LDB2: variants seen among roughly 807,000 people sequenced by gnomAD.
LDB2 encodes LIM domain binding 2, also known as LIM domain-binding protein 2.
Under a neutral mutation model 44.3 loss-of-function variants are expected in LDB2, and 12 were observed. That is an observed-to-expected ratio of 0.27 (90% CI 0.17 to 0.44). LDB2 has a LOEUF of 0.44. Among genes scored for constraint, LDB2 ranks in the 20% least tolerant of loss-of-function variants. The pLI, the probability that LDB2 is intolerant of heterozygous loss-of-function variation, is 1.00. For missense variants in LDB2, 344 were observed against 473.5 expected (o/e 0.73, Z 2.54); for synonymous variants, 164 against 174.8 (o/e 0.94, Z 0.49).
At chr4:16,826,906 C>T (rs905514885) in intron 1 of LDB2, among the ~76,000 whole-genome samples, 2 of 152,096 alleles carry the variant, frequency 1.3e-5, no homozygotes, top group African/African-American at 2.4e-5. Context: ...ATTTGAACTG[C>T]AACAACTCGG....
chr4:16,615,901 T>A (rs769307437), intron 2 of LDB2, among the ~76,000 whole-genome samples: 4 of 152,122 alleles, frequency 2.6e-5, no homozygotes, highest in Non-Finnish European at 4.4e-5. Context: ...TGCTCTGCCT[T>A]ATGGTAGCTG....
chr4:16,755,528 TGAGAGAGA>T (rs112037999), intron 2 of LDB2, among the ~76,000 whole-genome samples: 1 of 134,970 alleles, frequency 7.4e-6, no homozygotes, highest in Admixed American at 7.2e-5. Flanking sequence ...TGTGTGTATG[TGAGAGAGA>T]GAGAGACAGA....
At chr4:16,724,868 T>A (rs1759081792) in intron 2 of LDB2, among the ~76,000 whole-genome samples, 1 of 152,180 alleles carries the variant, frequency 6.6e-6, no homozygotes, top group Non-Finnish European at 1.5e-5. Context: ...CCAGTGCACA[T>A]ACACATTATT....
At position 16,759,120 on chromosome 4, in the gene LDB2, A is replaced by G. The variant is rs202146610; in HGVS notation, c.235+38T>C. 417 of 1,453,638 alleles carry G rather than the reference A, an allele frequency of 2.9e-4. 1 individual carries two copies. Among genetic ancestry groups the G allele is most frequent in the Middle Eastern group, 5.2e-4 (3 of 5,740 alleles). 90.0% of individuals were successfully genotyped at this position (1,453,638 alleles called of 1,614,324 possible). A position where few individuals can be genotyped will look rare whatever the true frequency, so the allele number is the denominator to read the frequency against. On this transcript the variant is annotated intron_variant, in intron 2 of 7. Coordinates refer to ENST00000304523, the MANE Select transcript of LDB2 (RefSeq NM_001290.5). ...CCCCTGCGGTTTTCTTACAGGCACAAAACGAGGTAATATTAGAAAAATAAA... is the reference window on the plus strand; with the variant it reads ...CCCCTGCGGTTTTCTTACAGGCACAGAACGAGGTAATATTAGAAAAATAAA...
chr4:16,693,969 C>T (rs992366822), intron 2 of LDB2, among the ~76,000 whole-genome samples: 2 of 152,202 alleles, frequency 1.3e-5, no homozygotes, highest in African/African-American at 4.8e-5. Flanking sequence ...ATCATTCAAA[C>T]TTTCAACAGT....
At chr4:16,744,620 G>A (rs1400747901) in intron 2 of LDB2, among the ~76,000 whole-genome samples, 1 of 151,634 alleles carries the variant, frequency 6.6e-6, no homozygotes, top group Non-Finnish European at 1.5e-5. Flanking sequence ...GACTACAGGT[G>A]CCCGCCACCA....
chr4:16,873,436 T>C (rs1717306727), intron 1 of LDB2, among the ~76,000 whole-genome samples: 1 of 152,124 alleles, frequency 6.6e-6, no homozygotes, highest in Admixed American at 6.5e-5. Flanking sequence ...AAAGAGAACC[T>C]GGCATTCGGC....
chr4:16,555,877 A>G (rs1277694507), intron 5 of LDB2, among the ~76,000 whole-genome samples: 1 of 152,036 alleles, frequency 6.6e-6, no homozygotes, highest in Non-Finnish European at 1.5e-5. Context: ...CCCCTGTCCA[A>G]TTCAATCTCG....
At chr4:16,653,196 G>A (rs975641059) in intron 2 of LDB2, among the ~76,000 whole-genome samples, 1 of 152,048 alleles carries the variant, frequency 6.6e-6, no homozygotes, top group East Asian at 1.9e-4. Context: ...GAACTAAGTC[G>A]CATCAGCTGC....
chr4:16,680,568 C>A (rs1747573114), intron 2 of LDB2, among the ~76,000 whole-genome samples: 1 of 152,176 alleles, frequency 6.6e-6, no homozygotes, highest in South Asian at 2.1e-4. Context: ...GAAAAACTTT[C>A]CGTCTAGTTT....
intron 2 of LDB2, among the ~76,000 whole-genome samples, chr4:16,676,439 A>G (rs1468252471): frequency 6.6e-6 from 1 of 152,240 alleles, no homozygotes; most frequent in Non-Finnish European, 1.5e-5. Flanking sequence ...CCCTTCGCCA[A>G]GATCACGGAA....
chr4:16,646,179 C>T (rs79513237), intron 2 of LDB2, among the ~76,000 whole-genome samples: 4,402 of 152,328 alleles, frequency 0.029, 68 homozygotes, highest in African/African-American at 0.05. Flanking sequence ...TCTCCAAAGA[C>T]TGGCTTCTAA....
At chr4:16,767,159 A>G (rs1245977368) in intron 1 of LDB2, among the ~76,000 whole-genome samples, 2 of 152,194 alleles carry the variant, frequency 1.3e-5, no homozygotes, top group Admixed American at 6.5e-5. Context: ...TAAGCAGTAT[A>G]TTTCCAAGTG....
intron 1 of LDB2, among the ~76,000 whole-genome samples, chr4:16,841,973 C>G (rs1483568933): frequency 5.9e-5 from 9 of 152,176 alleles, no homozygotes. Flanking sequence ...CATCAAGACC[C>G]TCATGGAATT....
intron 5 of LDB2, among the ~76,000 whole-genome samples, chr4:16,520,137 C>T (rs1025276377): frequency 1.1e-4 from 17 of 152,162 alleles, no homozygotes; most frequent in Admixed American, 6.5e-4. Flanking sequence ...CTCCCCTCCC[C>T]GCCGCCCCAC....
rs908424708 is a variant in LDB2 at position 16,542,105 on chromosome 4, G to GA, written c.616-30002_616-30001insT. Among the ~76,000 whole-genome samples the GA allele has an allele frequency of 2.0e-5, 3 of 146,868 alleles. 1 individual carries two copies. The highest frequency in any genetic ancestry group is 2.2e-4 in the East Asian group (1 of 4,640). On this transcript the variant is annotated intron_variant, in intron 5 of 7. Transcript: ENST00000304523. Reference sequence around the variant, plus strand: ...CCTTCCAATTACATCAGGTGGTGGGGGGGGGGGCGCGAGCAGGAGGGCATA... The same window carrying GA: ...CCTTCCAATTACATCAGGTGGTGGGGAGGGGGGGCGCGAGCAGGAGGGCATA...
chr4:16,670,678 G>A (rs1255967336), intron 2 of LDB2, among the ~76,000 whole-genome samples: 1 of 152,150 alleles, frequency 6.6e-6, no homozygotes, highest in African/African-American at 2.4e-5. Context: ...CTGCCTGCAT[G>A]GCCTTGGGCA....
chr4:16,599,886 T>C (rs1197118908), intron 2 of LDB2, among the ~76,000 whole-genome samples: 1 of 152,192 alleles, frequency 6.6e-6, no homozygotes, highest in African/African-American at 2.4e-5. Flanking sequence ...GAATTTGAAT[T>C]AGATTTTTGT....
chr4:16,728,098 T>C (rs1343393145), intron 2 of LDB2, among the ~76,000 whole-genome samples: 1 of 152,088 alleles, frequency 6.6e-6, no homozygotes, highest in East Asian at 1.9e-4. Flanking sequence ...TAATTTTGCA[T>C]ATAAAAGTGA....
Sources: gnomAD v4.1 joint callset for allele counts (sites outside exome capture counted in the v4.1 genomes callset) on GRCh38, gnomAD v4.1.1 for gene constraint, MANE v1.5 for transcripts, NCBI Gene and HGNC (gene_info 2026-07-23, HGNC 2026-07-21) for gene names.